AMPD3: variants seen among roughly 807,000 people sequenced by gnomAD.
AMPD3 encodes the protein AMP deaminase 3.
In AMPD3, 57 loss-of-function variants were observed where a neutral mutation model predicts 82.3. That is an observed-to-expected ratio of 0.69 (90% CI 0.56 to 0.86). AMPD3 has a LOEUF of 0.86. AMPD3 is among the 40% of genes least tolerant of loss of function. The pLI is 0.00. For synonymous variants in AMPD3, 381 were observed against 394.7 expected (o/e 0.97, Z 0.41); for missense variants, 870 against 1,003.8 (o/e 0.87, Z 1.80).
upstream of AMPD3, chr11:10,450,819 G>A (rs903311661): frequency 8.4e-7 from 1 of 1,189,266 alleles, no homozygotes; most frequent in South Asian, 4.1e-5. Flanking sequence ...CTGCTGAGGC[G>A]GCCCTCCCTC....
rs1484251557 is a variant in AMPD3 at position 10,476,390 on chromosome 11, G to A, written c.222-2136G>A. Among the ~76,000 whole-genome samples the A allele has an allele frequency of 3.9e-5, 6 of 152,306 alleles. No individual in the cohort carries two copies. The Middle Eastern group carries it at 0.01, about 259-fold the overall frequency. On this transcript the variant is annotated intron_variant, in intron 2 of 14. Coordinates refer to ENST00000396553, the MANE Select transcript of AMPD3 (RefSeq NM_001025389.2). ...GTTTGTGGGTACTAGCTTCCTCACT[G>A]GGGCAGAAGAACATTCCTAGGACAA...
At chr11:10,498,387 A>C (rs1157314195) in intron 10 of AMPD3, 5 of 153,522 alleles carry the variant, frequency 3.3e-5, no homozygotes, top group Non-Finnish European at 7.3e-5. Flanking sequence ...GAGGAAGAGC[A>C]GGAGGAGGAG....
At chr11:10,499,605 G>T (rs1004362537) in intron 10 of AMPD3, 10 of 969,210 alleles carry the variant, frequency 1.0e-5, no homozygotes, top group Non-Finnish European at 1.2e-5. Flanking sequence ...CCTCCCTCCT[G>T]GGTTGCTCTG....
At chr11:10,469,805 C>T (rs796748126) in intron 2 of AMPD3, among the ~76,000 whole-genome samples, 33 of 152,112 alleles carry the variant, frequency 2.2e-4, no homozygotes, top group African/African-American at 6.7e-4. Flanking sequence ...TTTGGGAGGC[C>T]GAGGCGGGCA....
At chr11:10,486,692 C>T (rs548137114) in intron 5 of AMPD3, 1 of 985,430 alleles carries the variant, frequency 1.0e-6, no homozygotes, top group East Asian at 1.1e-4. Context: ...GGGCTGGTTC[C>T]TCTGCAACCC....
intron 6 of AMPD3, among the ~76,000 whole-genome samples, chr11:10,487,868 T>A (rs1849120994): frequency 6.6e-6 from 1 of 152,160 alleles, no homozygotes; most frequent in Non-Finnish European, 1.5e-5. Flanking sequence ...CAGCTGGGCT[T>A]AATACCTAGG....
chr11:10,485,997 G>A (rs1049667619), intron 5 of AMPD3, among the ~76,000 whole-genome samples: 3 of 141,954 alleles, frequency 2.1e-5, no homozygotes, highest in African/African-American at 5.1e-5. Context: ...ATCTTGTGAT[G>A]CCAGTCTCGA....
At chr11:10,497,396 C>T (rs2133930734) in intron 10 of AMPD3, among the ~76,000 whole-genome samples, 1 of 152,322 alleles carries the variant, frequency 6.6e-6, no homozygotes, top group East Asian at 1.9e-4. Flanking sequence ...GTGTATTTCC[C>T]TTCCGGATCC....
chr11:10,468,462 A>C (rs989310101), intron 2 of AMPD3, among the ~76,000 whole-genome samples: 1 of 152,220 alleles, frequency 6.6e-6, no homozygotes, highest in African/African-American at 2.4e-5. Context: ...ATGCAACAAG[A>C]AGAGCTAACT....
At chr11:10,500,545 A>G in intron 11 of AMPD3, 18 of 925,534 alleles carry the variant, frequency 1.9e-5, no homozygotes, top group Non-Finnish European at 2.3e-5. Context: ...CCACACATTT[A>G]TATGTACACA....
At chr11:10,486,508 T>C in intron 5 of AMPD3, 1 of 970,182 alleles carries the variant, frequency 1.0e-6, no homozygotes, top group South Asian at 4.8e-5. Flanking sequence ...GGCTGATAAA[T>C]CATGGGCCCC....
At chr11:10,496,704 G>C (rs16907878) in intron 9 of AMPD3, 108 bp from the exon 10 acceptor site, 157,315 of 1,568,920 alleles carry the variant, frequency 0.1, 8,304 homozygotes, top group East Asian at 0.17. Flanking sequence ...CTTGATTCTG[G>C]GTGTTTGATG....
At chr11:10,505,502 A>G (rs1849694283) in intron 14 of AMPD3, 2 of 962,320 alleles carry the variant, frequency 2.1e-6, no homozygotes, top group South Asian at 9.7e-5. Flanking sequence ...CTGTCTGAGG[A>G]TGACTGAGGT....
At chr11:10,454,402 A>G (rs904993993), upstream of AMPD3, among the ~76,000 whole-genome samples, 1 of 152,190 alleles carries the variant, frequency 6.6e-6, no homozygotes, top group African/African-American at 2.4e-5. Flanking sequence ...GTGTTTCCCA[A>G]AGCCGATACC....
intron 6 of AMPD3, among the ~76,000 whole-genome samples, chr11:10,492,096 G>A (rs1458770357): frequency 6.6e-6 from 1 of 152,176 alleles, no homozygotes; most frequent in African/African-American, 2.4e-5. Context: ...GAGATGCAAG[G>A]GGTCGGTCTG....
At position 10,494,798 on chromosome 11, in the gene AMPD3, C is replaced by A. The variant is rs933037934; in HGVS notation, c.1135-101C>A. On this transcript the variant is annotated intron_variant, in intron 7 of 14. Coordinates refer to ENST00000396553, the MANE Select transcript of AMPD3 (RefSeq NM_001025389.2). ...AAGAATTGACATAGAAGATGTCTTTCGGTGTGGCCATACAGAAGGCCGCCT... is the reference window on the plus strand; with the variant it reads ...AAGAATTGACATAGAAGATGTCTTTAGGTGTGGCCATACAGAAGGCCGCCT... 1.9e-6 allele frequency: 3 copies of A among 1,581,974 alleles called. No homozygotes were observed. In the African/African-American group the frequency reaches 4.0e-5, roughly 21 times the overall value.
In AMPD3 at chr11:10,456,616, G is replaced by A. The variant is rs1442529000; in HGVS notation, c.-6+1168G>A. 2.0e-6 allele frequency: 2 copies of A among 985,332 alleles called. No individual in the cohort carries two copies. Among genetic ancestry groups the A allele is most frequent in the Non-Finnish European group, 2.4e-6 (2 of 829,796 alleles). The allele number at this position is 985,332 out of a possible 1,614,324, so 61.0% of individuals were successfully genotyped here. On this transcript the variant is annotated intron_variant, in intron 1 of 14. Coordinates refer to ENST00000396553, the MANE Select transcript of AMPD3 (RefSeq NM_001025389.2). The surrounding 1 kb of genome is among the most constrained non-coding windows in gnomAD (Gnocchi z 4.3). ...CAGAGCGTGTTGCATGTAACAGTGA[G>A]ATAAGCTGTATCATTGGCTGACTGA...
chr11:10,494,505 A>AAAT, intron 7 of AMPD3: 2 of 884,138 alleles, frequency 2.3e-6, no homozygotes, highest in Non-Finnish European at 2.6e-6. Context: ...ATGCTTTATT[A>AAAT]GAACAAAAAA....
chr11:10,471,169 A>G (rs1848578297), intron 2 of AMPD3, among the ~76,000 whole-genome samples: 1 of 152,198 alleles, frequency 6.6e-6, no homozygotes, highest in African/African-American at 2.4e-5. Context: ...CACATCTACA[A>G]TCATCTGATC....
Sources: allele counts gnomAD v4.1 joint callset (sites outside exome capture counted in the v4.1 genomes callset), GRCh38; gene constraint gnomAD v4.1.1; non-coding constraint Gnocchi (gnomAD v3.1); transcripts MANE v1.5; gene names NCBI Gene and HGNC (gene_info 2026-07-23, HGNC 2026-07-21).